WDFY4: variants seen among roughly 807,000 people sequenced by gnomAD.
WDFY4 encodes WD repeat- and FYVE domain-containing protein 4.
In WDFY4, 169 loss-of-function variants were observed where a neutral mutation model predicts 351.9. That is an observed-to-expected ratio of 0.48 (90% CI 0.42 to 0.55). WDFY4 has a LOEUF of 0.55. Ranked by LOEUF, WDFY4 falls within the 20% of genes least tolerant of loss-of-function variation. WDFY4 has a pLI of 0.00. For missense variants in WDFY4, 3,803 were observed against 3,935.6 expected (o/e 0.97, Z 0.90); for synonymous variants, 1,622 against 1,574.6 (o/e 1.03, Z -0.71).
At chr10:48,752,506 T>A (rs2132473100) in intron 12 of WDFY4, among the ~76,000 whole-genome samples, 1 of 152,292 alleles carries the variant, frequency 6.6e-6, no homozygotes, top group Non-Finnish European at 1.5e-5. Context: ...TCAAAACACT[T>A]TTATCACCCC....
At chr10:48,800,074 C>T (rs1318019431) in intron 24 of WDFY4, among the ~76,000 whole-genome samples, 4 of 151,928 alleles carry the variant, frequency 2.6e-5, no homozygotes, top group Admixed American at 6.6e-5. Flanking sequence ...GTAGTAGAGA[C>T]GGGGTTTCAC....
chr10:48,819,544 G>A (rs1471520950), intron 32 of WDFY4, among the ~76,000 whole-genome samples: 1 of 152,194 alleles, frequency 6.6e-6, no homozygotes, highest in African/African-American at 2.4e-5. Context: ...GGAGTCCCTG[G>A]CCGCGTGTCC....
chr10:48,720,287 G>A (rs1192508630), intron 3 of WDFY4, among the ~76,000 whole-genome samples, 162 bp downstream of exon 3: 1 of 152,200 alleles, frequency 6.6e-6, no homozygotes, highest in African/African-American at 2.4e-5. Flanking sequence ...TAGGGACCAA[G>A]GGAAATGCAG....
chr10:48,977,100 C>A, intron 59 of WDFY4, 121 bp downstream of exon 59: 1 of 1,009,440 alleles, frequency 9.9e-7, no homozygotes, highest in Non-Finnish European at 1.3e-6. Flanking sequence ...AGAACGGGTA[C>A]CTACAGCAAA....
intron 32 of WDFY4, among the ~76,000 whole-genome samples, chr10:48,819,817 C>T (rs2067752055): frequency 6.6e-6 from 1 of 152,172 alleles, no homozygotes; most frequent in Non-Finnish European, 1.5e-5. Flanking sequence ...CACCGACTCT[C>T]TCTGACTGTC....
At chr10:48,880,838 C>T (rs1405635940) in intron 43 of WDFY4, among the ~76,000 whole-genome samples, 1 of 152,152 alleles carries the variant, frequency 6.6e-6, no homozygotes, top group Non-Finnish European at 1.5e-5. Context: ...GTCAGTGAAG[C>T]CAAACCACCA....
rs113577416 is a variant in WDFY4, at chr10:48,727,418, A to G, written c.782-52A>G. 3,149 of 1,522,162 alleles carry G rather than the reference A, an allele frequency of 2.1e-3. 9 individuals are homozygous for G. The highest frequency in any genetic ancestry group is 0.013 in the Middle Eastern group (73 of 5,452). 94.3% of individuals were successfully genotyped at this position (1,522,162 alleles called of 1,614,324 possible). A position where few individuals can be genotyped will look rare whatever the true frequency, so the allele number is the denominator to read the frequency against. ...GGGGAGGTAGGTGGACCATGGCAGGAAAGCTCTTGCTTCCAAGCTCAGCAG... is the reference window on the plus strand; with the variant it reads ...GGGGAGGTAGGTGGACCATGGCAGGGAAGCTCTTGCTTCCAAGCTCAGCAG... On this transcript the variant is annotated intron_variant, in intron 6 of 61. Transcript: ENST00000325239.
At chr10:48,792,087 C>G (rs1212933462) in intron 23 of WDFY4, among the ~76,000 whole-genome samples, 1 of 152,216 alleles carries the variant, frequency 6.6e-6, no homozygotes, top group East Asian at 1.9e-4. Flanking sequence ...AGCCCCATCT[C>G]CAACCCAGCC....
At chr10:48,842,605 G>A (rs117974415) in intron 39 of WDFY4, among the ~76,000 whole-genome samples, 162 of 152,332 alleles carry the variant, frequency 1.1e-3, no homozygotes, top group Non-Finnish European at 1.9e-3. Flanking sequence ...TGCTTAAACC[G>A]GATGATGCTG....
At chr10:48,978,660 A>G (rs1362716019) in intron 60 of WDFY4, 1 of 392,346 alleles carries the variant, frequency 2.5e-6, no homozygotes. Flanking sequence ...ACCCCTCCAT[A>G]ATGAACACAG....
At chr10:48,851,765 C>A (rs569558769) in intron 39 of WDFY4, among the ~76,000 whole-genome samples, 15 of 152,370 alleles carry the variant, frequency 9.8e-5, no homozygotes, top group African/African-American at 3.6e-4. Flanking sequence ...CTGGCCAGCC[C>A]TAGGGTGCCC....
chr10:48,912,782 A>C (rs76904680), intron 47 of WDFY4, among the ~76,000 whole-genome samples: 1 of 152,258 alleles, frequency 6.6e-6, no homozygotes, highest in Non-Finnish European at 1.5e-5. Flanking sequence ...GGTTTAGCCA[A>C]GAAAGCTCAT....
At chr10:48,715,633 T>C (rs1013388675) in intron 2 of WDFY4, among the ~76,000 whole-genome samples, 1 of 152,114 alleles carries the variant, frequency 6.6e-6, no homozygotes, top group African/African-American at 2.4e-5. Context: ...TTTTTTATTT[T>C]TTTTATTTTT....
At chr10:48,861,248 A>T (rs2069332197) in intron 39 of WDFY4, among the ~76,000 whole-genome samples, 2 of 152,170 alleles carry the variant, frequency 1.3e-5, no homozygotes, top group Admixed American at 6.6e-5. Flanking sequence ...GAGGAAAAGG[A>T]TGTATACTGT....
intron 47 of WDFY4, among the ~76,000 whole-genome samples, chr10:48,923,499 T>C (rs1448916208): frequency 8.0e-6 from 1 of 125,356 alleles, no homozygotes; most frequent in Non-Finnish European, 1.6e-5. Flanking sequence ...GTTTTTAGTA[T>C]ATATATATAT....
chr10:48,795,491 G>GTGTATATATATATATA (rs1416892459), intron 23 of WDFY4, among the ~76,000 whole-genome samples: 2 of 101,240 alleles, frequency 2.0e-5, no homozygotes, highest in African/African-American at 9.1e-5. Flanking sequence ...GTGTGTGTCT[G>GTGTATATATATATATA]TATATATATA....
At chr10:48,929,103 A>T (rs1435444753) in intron 47 of WDFY4, among the ~76,000 whole-genome samples, 1 of 152,298 alleles carries the variant, frequency 6.6e-6, no homozygotes, top group East Asian at 1.9e-4. Flanking sequence ...GCCATCTTTG[A>T]GAAGATGATA....
intron 19 of WDFY4, among the ~76,000 whole-genome samples, chr10:48,781,534 G>T (rs138911684): frequency 6.6e-6 from 1 of 152,104 alleles, no homozygotes. Flanking sequence ...GACCTCAGGC[G>T]ATCCACCTGC....
chr10:48,800,253 C>T (rs1385247723), intron 24 of WDFY4, among the ~76,000 whole-genome samples: 3 of 152,178 alleles, frequency 2.0e-5, no homozygotes, highest in Admixed American at 2.0e-4. Context: ...CAGTAAAAAC[C>T]AGACAGTTAA....
Sources: gnomAD v4.1 joint callset for allele counts (sites outside exome capture counted in the v4.1 genomes callset) on GRCh38, gnomAD v4.1.1 for gene constraint, MANE v1.5 for transcripts, NCBI Gene and HGNC (gene_info 2026-07-23, HGNC 2026-07-21) for gene names.